The following ANO10 variants were observed in gnomAD, a reference collection of about 807,000 sequenced individuals.
ANO10 encodes anoctamin-10.
In ANO10, 77 loss-of-function variants were observed where a neutral mutation model predicts 74.7. The ratio of observed to expected loss-of-function variants is 1.03; its 90% CI spans 0.86 to 1.25. The LOEUF (loss-of-function observed/expected upper bound fraction) is 1.25. Ranked by LOEUF, ANO10 falls within the 50% of genes most tolerant of loss-of-function variation. ANO10 has a pLI of 0.00. For synonymous variants in ANO10, 279 were observed against 284.9 expected, an observed-to-expected ratio of 0.98 and a Z score of 0.21; for missense variants, 721 against 778.1, an observed-to-expected ratio of 0.93 and a Z score of 0.87.
At chr3:43,500,402 T>C (rs1306853273) in intron 11 of ANO10, among the ~76,000 whole-genome samples, 2 of 152,202 alleles carry the variant, frequency 1.3e-5, no homozygotes, top group African/African-American at 2.4e-5. Flanking sequence ...GAAAGGTTTA[T>C]AGCCCCACCC....
At chr3:43,576,348 T>C (rs79863377) in intron 6 of ANO10, among the ~76,000 whole-genome samples, 118 of 152,338 alleles carry the variant, frequency 7.7e-4, no homozygotes, top group African/African-American at 2.7e-3. Context: ...GCTCCACTAT[T>C]TGCTGTCTGA....
At chr3:43,636,754 G>A (rs2083614876) in intron 1 of ANO10, among the ~76,000 whole-genome samples, 1 of 152,208 alleles carries the variant, frequency 6.6e-6, no homozygotes, top group South Asian at 2.1e-4. Flanking sequence ...AAATGTGGAT[G>A]TTGAAAGTAT....
At chr3:43,511,852 A>T (rs2149184035) in intron 11 of ANO10, among the ~76,000 whole-genome samples, 1 of 152,298 alleles carries the variant, frequency 6.6e-6, no homozygotes, top group African/African-American at 2.4e-5. Context: ...CCTACATTAA[A>T]ACAAGAGCAC....
At chr3:43,417,952 G>C (rs1234240644) in intron 12 of ANO10, among the ~76,000 whole-genome samples, 1 of 152,110 alleles carries the variant, frequency 6.6e-6, no homozygotes, top group Non-Finnish European at 1.5e-5. Context: ...GAATTGTCTT[G>C]GATGTTAAAC....
At chr3:43,577,647 C>T (rs1012984443) in intron 5 of ANO10, among the ~76,000 whole-genome samples, 4 of 152,200 alleles carry the variant, frequency 2.6e-5, no homozygotes, top group Non-Finnish European at 5.9e-5. Context: ...TTTATGCTCC[C>T]CACTTTTCTC....
chr3:43,397,330 T>G (rs2092400648), intron 12 of ANO10, among the ~76,000 whole-genome samples: 1 of 152,236 alleles, frequency 6.6e-6, no homozygotes, highest in South Asian at 2.1e-4. Context: ...CATAACTGTA[T>G]TAACGCCCTT....
chr3:43,405,630 C>T (rs1016513015), intron 12 of ANO10, among the ~76,000 whole-genome samples: 1 of 152,096 alleles, frequency 6.6e-6, no homozygotes, highest in African/African-American at 2.4e-5. Flanking sequence ...TGCACTATCA[C>T]GCCCGGTTAA....
chr3:43,386,038 G>A (rs1301663158), intron 12 of ANO10, among the ~76,000 whole-genome samples: 8 of 152,184 alleles, frequency 5.3e-5, no homozygotes, highest in Non-Finnish European at 1.2e-4. Context: ...TTCTCCCCCA[G>A]GCTCCTGTGG....
chr3:43,470,459 T>C (rs2075805019), intron 11 of ANO10, among the ~76,000 whole-genome samples: 1 of 152,216 alleles, frequency 6.6e-6, no homozygotes, highest in African/African-American at 2.4e-5. Context: ...GTTCATGCTA[T>C]TCTCCTGCCT....
Position 43,509,226 on chromosome 3 carries a change from A to G in ANO10, c.1797+40494T>C, listed in dbSNP as rs369831541. On this transcript the variant is annotated intron_variant, in intron 11 of 12. Transcript: ENST00000292246. ...CACAACGGGGCCTGTTGTGGGGTGG[A>G]GGGAGGGGAGAGGGATAGCATTAGG... is the stretch of plus-strand genomic sequence containing the variant. Among the ~76,000 whole-genome samples, 52 of 149,462 alleles carry G rather than the reference A, an allele frequency of 3.5e-4. 1 individual carries two copies. Among genetic ancestry groups the G allele is most frequent in the African/African-American group, 9.8e-4 (40 of 40,848 alleles).
intron 11 of ANO10, among the ~76,000 whole-genome samples, chr3:43,465,326 C>G (rs2075567416): frequency 6.6e-6 from 1 of 152,150 alleles, no homozygotes; most frequent in Non-Finnish European, 1.5e-5. Context: ...ACACCTAGGC[C>G]ATGTGGTATA....
intron 12 of ANO10, among the ~76,000 whole-genome samples, chr3:43,396,655 T>C (rs2092388340): frequency 6.6e-6 from 1 of 151,558 alleles, no homozygotes; most frequent in South Asian, 2.1e-4. Context: ...ATAAGTTTTA[T>C]TGTTTTTTCT....
At position 43,580,637 on chromosome 3, in the gene ANO10, T is replaced by C. The variant is rs367866407; in HGVS notation, c.473-165A>G. Among the ~76,000 whole-genome samples the C allele has an allele frequency of 4.9e-4, 74 of 152,322 alleles. No homozygotes were observed. The South Asian group carries it at 8.5e-3, about 17-fold the overall frequency. The stretch of plus-strand genomic sequence containing the variant: ...ATTCTTTCATTTTTCAGAATGTAAA[T>C]ATCTTTACTATTCTCTTTGACTATG... On this transcript the variant is annotated intron_variant, in intron 4 of 12. Coordinates refer to ENST00000292246, the MANE Select transcript of ANO10 (RefSeq NM_018075.5).
At chr3:43,557,541 C>T (rs937903015) in intron 9 of ANO10, among the ~76,000 whole-genome samples, 5 of 151,644 alleles carry the variant, frequency 3.3e-5, no homozygotes, top group African/African-American at 1.2e-4. Flanking sequence ...TGAGACCATC[C>T]TGGCTAACAT....
intron 11 of ANO10, among the ~76,000 whole-genome samples, chr3:43,438,781 A>T (rs1280695397): frequency 6.6e-6 from 1 of 152,062 alleles, no homozygotes; most frequent in Non-Finnish European, 1.5e-5. Flanking sequence ...GAGGTTCAAC[A>T]GCAGATTTGA....
intron 11 of ANO10, among the ~76,000 whole-genome samples, chr3:43,535,076 C>T (rs2078648056): frequency 6.6e-6 from 1 of 151,400 alleles, no homozygotes; most frequent in Non-Finnish European, 1.5e-5. Context: ...CAGGTTCAAG[C>T]GATTCTTGTG....
At chr3:43,486,431 A>C (rs562326833) in intron 11 of ANO10, among the ~76,000 whole-genome samples, 16 of 150,554 alleles carry the variant, frequency 1.1e-4, no homozygotes, top group African/African-American at 3.9e-4. Flanking sequence ...GATTCTTCCT[A>C]CCCATGAGCA....
chr3:43,690,980 C>CGCG (rs748141630), intron 1 of ANO10: 25 of 1,571,390 alleles, frequency 1.6e-5, no homozygotes, highest in Admixed American at 7.2e-5. Context: ...CCGGCGCTTG[C>CGCG]GCGGCGGCGG....
At chr3:43,470,203 G>A (rs181655881) in intron 11 of ANO10, among the ~76,000 whole-genome samples, 13 of 152,292 alleles carry the variant, frequency 8.5e-5, no homozygotes, top group African/African-American at 3.1e-4. Context: ...ATCTTAAATG[G>A]ATACTGCTAA....
Sources: gnomAD v4.1 joint callset for allele counts (sites outside exome capture counted in the v4.1 genomes callset) on GRCh38, gnomAD v4.1.1 for gene constraint, MANE v1.5 for transcripts, NCBI Gene and HGNC (gene_info 2026-07-23, HGNC 2026-07-21) for gene names.